The following LRGUK variants were observed in gnomAD, a reference collection of about 807,000 sequenced individuals.
The protein encoded by LRGUK is leucine rich repeats and guanylate kinase domain containing, also known as leucine-rich repeat and guanylate kinase domain-containing protein.
LRGUK carries 65 observed loss-of-function variants against 76.0 expected under a neutral mutation model. The ratio of observed to expected loss-of-function variants is 0.85; its 90% CI spans 0.70 to 1.05. LRGUK has a LOEUF of 1.05. Among genes scored for constraint, LRGUK ranks in the 50% least tolerant of loss-of-function variants. The pLI is 0.00. For missense variants in LRGUK, 758 were observed against 732.8 expected, an observed-to-expected ratio of 1.03 and a Z score of -0.40; for synonymous variants, 268 against 265.6, an observed-to-expected ratio of 1.01 and a Z score of -0.09.
intron 7 of LRGUK, among the ~76,000 whole-genome samples, chr7:134,169,052 G>A (rs1236853818): frequency 6.6e-6 from 1 of 151,828 alleles, no homozygotes; most frequent in African/African-American, 2.4e-5. Flanking sequence ...ATGTAATCAA[G>A]TTCAGGATCT....
At chr7:134,150,741 A>G (rs750029542) in intron 5 of LRGUK, among the ~76,000 whole-genome samples, 3 of 152,194 alleles carry the variant, frequency 2.0e-5, no homozygotes, top group Non-Finnish European at 4.4e-5. Context: ...GAGAGTCTTA[A>G]TTTCTATATA....
At chr7:134,213,256 T>C (rs1181675892), downstream of LRGUK, among the ~76,000 whole-genome samples, 3 of 152,084 alleles carry the variant, frequency 2.0e-5, no homozygotes, top group East Asian at 5.8e-4. Flanking sequence ...GAGGCATCTG[T>C]CTGGAGGGGA....
At chr7:134,191,885 T>G (rs574745244) in intron 12 of LRGUK, 134 bp downstream of exon 12, 5 of 355,848 alleles carry the variant, frequency 1.4e-5, no homozygotes, top group South Asian at 1.1e-4. Flanking sequence ...TTTTATGGGG[T>G]TTTTTTTTTT....
rs1379226600 is a variant in LRGUK at position 134,204,755 on chromosome 7, C to G, written c.1843+3179C>G. ...TATTAACACACATTTAATGGTGTCT[C>G]TAGTGGGACAAGAAGTAGAGCCAGT... On this transcript the variant is annotated intron_variant, in intron 15 of 15. Transcript: ENST00000645682. Among the ~76,000 whole-genome samples the G allele has an allele frequency of 5.3e-5, 8 of 152,296 alleles. No homozygotes were observed. In the South Asian group the frequency reaches 1.4e-3, roughly 28 times the overall value.
At chr7:134,201,683 C>T in intron 15 of LRGUK, 107 bp downstream of exon 15, 1 of 715,946 alleles carries the variant, frequency 1.4e-6, no homozygotes, top group Non-Finnish European at 2.3e-6. Context: ...AGCTGGTTCT[C>T]TTTTATTCCT....
intron 7 of LRGUK, among the ~76,000 whole-genome samples, chr7:134,174,041 G>A (rs1444242149): frequency 6.6e-6 from 1 of 151,536 alleles, no homozygotes; most frequent in Non-Finnish European, 1.5e-5. Context: ...CCAGGGAGTC[G>A]GAGGTTGCAG....
At chr7:134,148,040 C>T (rs112268816) in intron 4 of LRGUK, among the ~76,000 whole-genome samples, 198 bp from the exon 5 acceptor site, 3,878 of 131,388 alleles carry the variant, frequency 0.03, 69 homozygotes, top group Non-Finnish European at 0.043. Context: ...CCAGCCTGGA[C>T]GACAGAGCAA....
At chr7:134,253,689 C>T (rs1433433015) in intron 18 of LRGUK, among the ~76,000 whole-genome samples, 2 of 152,110 alleles carry the variant, frequency 1.3e-5, no homozygotes, top group Non-Finnish European at 2.9e-5. Context: ...GTGGTGCACA[C>T]CTGTAGTCCC....
intron 15 of LRGUK, among the ~76,000 whole-genome samples, chr7:134,204,861 G>A (rs1454238248): frequency 2.6e-5 from 4 of 152,172 alleles, no homozygotes; most frequent in South Asian, 2.1e-4. Context: ...CACAAGAGTG[G>A]AGCCAACCAT....
chr7:134,183,934 G>A (rs904676706), intron 11 of LRGUK, 81 bp downstream of exon 11: 82 of 1,512,696 alleles, frequency 5.4e-5, no homozygotes, highest in South Asian at 7.3e-5. Flanking sequence ...TAAAATCTCC[G>A]ATATTGCTAA....
chr7:134,247,633 C>T, exon 17 of LRGUK: 2 of 1,612,534 alleles, frequency 1.2e-6, no homozygotes, highest in Non-Finnish European at 1.7e-6. Context: ...ATCACACACT[C>T]CTATTTCAAA....
chr7:134,220,217 A>G (rs148752760), intron 15 of LRGUK, among the ~76,000 whole-genome samples: 1 of 152,172 alleles, frequency 6.6e-6, no homozygotes, highest in African/African-American at 2.4e-5. Context: ...ATTCCTTTCT[A>G]TATTGTTCTA....
At chr7:134,133,119 T>C (rs1304416907) in intron 1 of LRGUK, among the ~76,000 whole-genome samples, 1 of 152,086 alleles carries the variant, frequency 6.6e-6, no homozygotes, top group East Asian at 1.9e-4. Flanking sequence ...ATGAGGTGCA[T>C]TCATTCATTC....
intron 10 of LRGUK, among the ~76,000 whole-genome samples, chr7:134,182,418 G>A (rs1799794316): frequency 6.6e-6 from 1 of 152,172 alleles, no homozygotes; most frequent in Non-Finnish European, 1.5e-5. Context: ...GTCAGATGCT[G>A]CCCATTGCTT....
chr7:134,135,869 G>A (rs1371298507), intron 1 of LRGUK, among the ~76,000 whole-genome samples: 1 of 152,168 alleles, frequency 6.6e-6, no homozygotes, highest in Admixed American at 6.5e-5. Flanking sequence ...TGTTAGCCAG[G>A]ATGGTCTCGA....
At chr7:134,268,657 A>G (rs1440235096), downstream of LRGUK, among the ~76,000 whole-genome samples, 2 of 151,800 alleles carry the variant, frequency 1.3e-5, no homozygotes, top group African/African-American at 4.8e-5. Context: ...CCTGATATCA[A>G]AATCAGACAA....
intron 1 of LRGUK, among the ~76,000 whole-genome samples, 197 bp downstream of exon 1, chr7:134,127,861 C>T (rs1797085158): frequency 6.6e-6 from 1 of 152,010 alleles, no homozygotes; most frequent in African/African-American, 2.4e-5. Context: ...CCTGAAATAG[C>T]TCTAAATAGT....
chr7:134,251,619 T>C (rs1802447923), intron 18 of LRGUK, among the ~76,000 whole-genome samples: 2 of 152,234 alleles, frequency 1.3e-5, no homozygotes, highest in African/African-American at 2.4e-5. Flanking sequence ...TACATAGTTA[T>C]ATGCTATGTA....
Position 134,158,940 on chromosome 7 carries a change from A to G in LRGUK, c.795+781A>G, listed in dbSNP as rs189217927. Among the ~76,000 whole-genome samples the G allele has an allele frequency of 4.1e-3, 622 of 152,196 alleles. 1 individual carries two copies. Among genetic ancestry groups the G allele is most frequent in the Admixed American group, 7.1e-3 (109 of 15,290 alleles). ...GGATGGTTTTGCTGTTCTTCATTAC[A>G]TCTATCATGGGGTCAGCAGGCGGGA... On this transcript the variant is annotated intron_variant, in intron 6 of 15. Transcript: ENST00000645682.
Sources: gnomAD v4.1 joint callset for allele counts (sites outside exome capture counted in the v4.1 genomes callset) on GRCh38, gnomAD v4.1.1 for gene constraint, MANE v1.5 for transcripts, NCBI Gene and HGNC (gene_info 2026-07-23, HGNC 2026-07-21) for gene names.